Variants in ZFPM2 observed in about 807,000 individuals in gnomAD.
The protein encoded by ZFPM2 is zinc finger protein, FOG family member 2.
ZFPM2 carries 20 observed loss-of-function variants against 98.6 expected under a neutral mutation model. The ratio of observed to expected loss-of-function variants is 0.20; its 90% CI spans 0.14 to 0.29. The LOEUF (loss-of-function observed/expected upper bound fraction) is 0.29, where lower values mean the gene tolerates loss of function less well. Ranked by LOEUF, ZFPM2 falls within the 10% of genes least tolerant of loss-of-function variation. The probability of loss-of-function intolerance (pLI) is 1.00; values close to 1 mark genes in which losing one functional copy is unlikely to be tolerated. For synonymous variants in ZFPM2, 518 were observed against 502.7 expected (o/e 1.03, Z -0.41); for missense variants, 1,310 against 1,388.6 (o/e 0.94, Z 0.90).
chr8:105,686,568 A>T (rs1464018582), intron 5 of ZFPM2, among the ~76,000 whole-genome samples: 2 of 152,134 alleles, frequency 1.3e-5, no homozygotes, highest in Admixed American at 6.6e-5. Flanking sequence ...TTATTTCTGA[A>T]CATTTCTTGG....
intron 7 of ZFPM2, among the ~76,000 whole-genome samples, chr8:105,800,622 C>G (rs1813971844): frequency 6.6e-6 from 1 of 152,026 alleles, no homozygotes; most frequent in Non-Finnish European, 1.5e-5. Context: ...GCATTGTTTT[C>G]AATAGCAACC....
At chr8:105,493,808 G>T (rs1813403495) in intron 3 of ZFPM2, among the ~76,000 whole-genome samples, 1 of 152,028 alleles carries the variant, frequency 6.6e-6, no homozygotes, top group Non-Finnish European at 1.5e-5. Context: ...GTTACAGCAA[G>T]CCTTATAAAA....
intron 5 of ZFPM2, among the ~76,000 whole-genome samples, chr8:105,715,740 T>C (rs1190104408): frequency 1.3e-5 from 2 of 152,022 alleles, no homozygotes; most frequent in African/African-American, 4.8e-5. Context: ...ATTCCAGTCC[T>C]GGTGTTTTCA....
rs1326578783 is a variant in ZFPM2, at chr8:105,399,262, G to T, written c.41-19882G>T. On this transcript the variant is annotated intron_variant, in intron 1 of 7. Transcript: ENST00000407775. ...AATTTATATCCTGTGACAAGCAATG[G>T]ATTGTAGGAGTGGCTGGAATGGGTT... 3.3e-5 allele frequency among the ~76,000 whole-genome samples: 5 copies of T among 152,202 alleles called. No individual in the cohort carries two copies. In the East Asian group the frequency reaches 9.6e-4, roughly 29 times the overall value.
chr8:105,730,776 C>CTTTTTTTTTTTT (rs201573898), intron 5 of ZFPM2, among the ~76,000 whole-genome samples: 1 of 124,390 alleles, frequency 8.0e-6, no homozygotes, highest in Non-Finnish European at 1.7e-5. Context: ...TTTCTTTTTT[C>CTTTTTTTTTTTT]TTTTTTTTTT....
chr8:105,366,192 TTG>T (rs1810504829), intron 1 of ZFPM2, among the ~76,000 whole-genome samples: 1 of 152,138 alleles, frequency 6.6e-6, no homozygotes, highest in Admixed American at 6.6e-5. Context: ...TGCTTCTTCA[TTG>T]TGTGTGGAAG....
chr8:105,704,835 G>T (rs1238694071), intron 5 of ZFPM2, among the ~76,000 whole-genome samples: 1 of 152,156 alleles, frequency 6.6e-6, no homozygotes, highest in Non-Finnish European at 1.5e-5. Context: ...TTCTGATGAG[G>T]TTTCCTTCTT....
At chr8:105,327,208 G>A (rs923748696) in intron 1 of ZFPM2, among the ~76,000 whole-genome samples, 1 of 151,490 alleles carries the variant, frequency 6.6e-6, no homozygotes, top group Non-Finnish European at 1.5e-5. Context: ...TCTTGCAAGT[G>A]TAAGTTAATC....
At chr8:105,377,599 T>C (rs1332556709) in intron 1 of ZFPM2, among the ~76,000 whole-genome samples, 4 of 11,382 alleles carry the variant, frequency 3.5e-4, no homozygotes, top group African/African-American at 5.1e-4. Flanking sequence ...CCGTTTTTCT[T>C]AAAAATCCAA....
chr8:105,540,709 A>C (rs903728525), intron 3 of ZFPM2, among the ~76,000 whole-genome samples: 3 of 152,250 alleles, frequency 2.0e-5, no homozygotes, highest in African/African-American at 7.2e-5. Context: ...GCGACTCTGC[A>C]TCAAGGAATT....
intron 1 of ZFPM2, among the ~76,000 whole-genome samples, chr8:105,385,791 A>G (rs767029803): frequency 4.6e-5 from 7 of 152,200 alleles, no homozygotes; most frequent in African/African-American, 7.2e-5. Context: ...ATAAGCTGTG[A>G]AGGACACAGT....
rs183144557 is a variant in ZFPM2, at chr8:105,781,868, C to T, written c.533-6850C>T. Among the ~76,000 whole-genome samples, 1,088 of 152,312 alleles carry T rather than the reference C, an allele frequency of 7.1e-3. 3 individuals carry two copies. The highest frequency in any genetic ancestry group is 0.011 in the Non-Finnish European group (777 of 68,034). On this transcript the variant is annotated intron_variant, in intron 5 of 7. Transcript: ENST00000407775. ...GCTTCATAAATTGAACCACCGTATTCTTCCTTCAGAGAGATAATTGTGCCA... is the reference window on the plus strand; with the variant it reads ...GCTTCATAAATTGAACCACCGTATTTTTCCTTCAGAGAGATAATTGTGCCA...
intron 5 of ZFPM2, among the ~76,000 whole-genome samples, chr8:105,648,246 T>A (rs1817092775): frequency 6.6e-6 from 1 of 152,190 alleles, no homozygotes; most frequent in South Asian, 2.1e-4. Context: ...TCTTGTAAAT[T>A]TGTTTGAGTT....
chr8:105,802,060 G>C lies in ZFPM2; in HGVS notation c.1978G>C (p.Asp660His), dbSNP rs771724926. The change falls in exon 8 of 8, where the codon GAT becomes CAT. Residue 660 changes from aspartate to histidine, a missense_variant. Transcript: ENST00000407775. ...TKKLSTSSNN[D>H]DKINGKPVDV... ...GAAGCTCTCCACCTCCAGTAACAATGATGACAAAATTAATGGAAAACCTGT... is the reference window on the plus strand; with the variant it reads ...GAAGCTCTCCACCTCCAGTAACAATCATGACAAAATTAATGGAAAACCTGT... The C allele has an allele frequency of 1.2e-6, 2 of 1,613,754 alleles. No individual in the cohort carries two copies. Among genetic ancestry groups the C allele is most frequent in the Non-Finnish European group, 1.7e-6 (2 of 1,179,838 alleles).
At chr8:105,501,564 C>T (rs1189220750) in intron 3 of ZFPM2, among the ~76,000 whole-genome samples, 1 of 151,172 alleles carries the variant, frequency 6.6e-6, no homozygotes. Flanking sequence ...AGTGCAGTGG[C>T]ACCATCTTGG....
intron 4 of ZFPM2, among the ~76,000 whole-genome samples, chr8:105,580,827 C>A (rs55917644): frequency 0.67 from 86,777 of 130,446 alleles, 28,344 homozygotes; most frequent in East Asian, 0.87. Flanking sequence ...CTCTCTCTCT[C>A]TATATATATA....
At chr8:105,604,223 T>G (rs1025154072) in intron 4 of ZFPM2, among the ~76,000 whole-genome samples, 1 of 152,012 alleles carries the variant, frequency 6.6e-6, no homozygotes, top group Admixed American at 6.6e-5. Flanking sequence ...GGAGTTAGCC[T>G]TAATTCCTCT....
chr8:105,453,537 C>G (rs1812527731), intron 3 of ZFPM2, among the ~76,000 whole-genome samples: 1 of 152,004 alleles, frequency 6.6e-6, no homozygotes, highest in Admixed American at 6.6e-5. Context: ...CAATGAATTC[C>G]CATGTACCCA....
intron 1 of ZFPM2, among the ~76,000 whole-genome samples, chr8:105,414,656 G>T (rs1811644216): frequency 6.6e-6 from 1 of 150,520 alleles, no homozygotes. Context: ...TTACTCCAGT[G>T]GCTATGGATG....
Sources: gnomAD v4.1 joint callset for allele counts (sites outside exome capture counted in the v4.1 genomes callset) on GRCh38, gnomAD v4.1.1 for gene constraint, MANE v1.5 for transcripts, NCBI Gene and HGNC (gene_info 2026-07-23, HGNC 2026-07-21) for gene names.